TTBK2: variants seen among roughly 807,000 people sequenced by gnomAD.
TTBK2 encodes tau-tubulin kinase 2.
In TTBK2, 28 loss-of-function variants were observed where a neutral mutation model predicts 110.8. The observed-to-expected ratio is 0.25, with a 90% CI of 0.19 to 0.35. The LOEUF (loss-of-function observed/expected upper bound fraction) is 0.35, where lower values mean the gene tolerates loss of function less well. Ranked by LOEUF, TTBK2 falls within the 10% of genes least tolerant of loss-of-function variation. The probability of loss-of-function intolerance (pLI) is 1.00; values close to 1 mark genes in which losing one functional copy is unlikely to be tolerated. For synonymous variants in TTBK2, 532 were observed against 527.3 expected (o/e 1.01, Z -0.12); for missense variants, 1,369 against 1,500.3 (o/e 0.91, Z 1.45).
In TTBK2 at chr15:42,739,399, C is replaced by T. The variant is rs916424416; in HGVS notation, c.*6396G>A. 7.9e-5 allele frequency: 12 copies of T among 152,242 alleles called. No individual in the cohort carries two copies. Among genetic ancestry groups the T allele is most frequent in the Non-Finnish European group, 1.8e-4 (12 of 68,048 alleles). 9.4% of individuals were successfully genotyped at this position (152,242 alleles called of 1,614,324 possible). On this transcript the variant is annotated 3_prime_UTR_variant, in exon 15 of 15. Transcript: ENST00000267890. ...TTTAACAGCTGCCAATAGCTCATTA[C>T]TTCTAAGATGTATATCTAATTCAAA... is the stretch of plus-strand genomic sequence containing the variant.
chr15:42,784,370 C>T (rs1019063129), intron 10 of TTBK2, among the ~76,000 whole-genome samples: 5 of 152,026 alleles, frequency 3.3e-5, no homozygotes, highest in South Asian at 2.1e-4. Context: ...CTCCACCTCT[C>T]GGATTCAAGC....
At chr15:42,858,208 AC>A (rs1483197766) in intron 3 of TTBK2, among the ~76,000 whole-genome samples, 17 of 152,184 alleles carry the variant, frequency 1.1e-4, no homozygotes, top group African/African-American at 3.9e-4. Flanking sequence ...AACACCCCCT[AC>A]CCCATCTCCA....
chr15:42,816,570 G>A (rs1017936386), intron 7 of TTBK2, among the ~76,000 whole-genome samples: 4 of 152,038 alleles, frequency 2.6e-5, no homozygotes, highest in African/African-American at 9.7e-5. Context: ...TGCCACACAA[G>A]AATGAATTAG....
chr15:42,836,972 T>C (rs150888301), intron 4 of TTBK2, among the ~76,000 whole-genome samples: 2 of 152,288 alleles, frequency 1.3e-5, no homozygotes, highest in African/African-American at 4.8e-5. Flanking sequence ...TCAAATAAGA[T>C]GATAAATCCA....
At chr15:42,867,033 AG>A (rs1189068936) in intron 3 of TTBK2, among the ~76,000 whole-genome samples, 2 of 152,104 alleles carry the variant, frequency 1.3e-5, no homozygotes, top group Non-Finnish European at 2.9e-5. Context: ...TCACGAGGTC[AG>A]GAGATCGAGA....
At chr15:42,773,590 A>T (rs1889770563) in intron 13 of TTBK2, among the ~76,000 whole-genome samples, 1 of 152,238 alleles carries the variant, frequency 6.6e-6, no homozygotes, top group African/African-American at 2.4e-5. Flanking sequence ...CAATCTTTGT[A>T]AATAGGACAG....
rs1199142596 is a variant in TTBK2 at position 42,752,843 on chromosome 15, C to T, written c.2403G>A (p.Glu801=). The stretch of plus-strand genomic sequence containing the variant: ...CCAAATCTCCTGGGAGAGAGGAGAT[C>T]TCAATACAATGCTGCCCTCTACTTA... ...EKLSRGQHCI[E]ISSLPGDLVI... Residue 801 remains glutamate, a synonymous_variant, in exon 14 of 15, where the codon GAG becomes GAA. Transcript: ENST00000267890. 2.5e-6 allele frequency: 4 copies of T among 1,614,078 alleles called. No individual in the cohort carries two copies. In the Admixed American group the frequency reaches 6.7e-5, roughly 27 times the overall value.
In TTBK2 at chr15:42,801,648, T is replaced by A. The variant is rs571886479; in HGVS notation, c.823-6847A>T. The A allele has an allele frequency of 5.8e-6, 5 of 867,352 alleles. No individual in the cohort carries two copies. In the South Asian group the frequency reaches 6.5e-5, roughly 11 times the overall value. The allele number at this position is 867,352 out of a possible 1,614,324, so 53.7% of individuals were successfully genotyped here. On this transcript the variant is annotated intron_variant, in intron 9 of 14. Transcript: ENST00000267890. The stretch of plus-strand genomic sequence containing the variant: ...TTGACCTCAGGGATGATGCTGTCCA[T>A]GTCCAGGAAGCGGCTGTTGTCCATG...
At chr15:42,831,597 T>C (rs1047434988) in intron 4 of TTBK2, among the ~76,000 whole-genome samples, 1 of 152,038 alleles carries the variant, frequency 6.6e-6, no homozygotes, top group African/African-American at 2.4e-5. Flanking sequence ...TTCAAAGAGG[T>C]TAAATAATGT....
At chr15:42,838,200 C>T (rs1893073310) in intron 4 of TTBK2, among the ~76,000 whole-genome samples, 1 of 148,420 alleles carries the variant, frequency 6.7e-6, no homozygotes, top group Non-Finnish European at 1.5e-5. Context: ...GAGCGAGACT[C>T]TGTCTCAAAA....
At chr15:42,917,788 A>G (rs115900050) in intron 1 of TTBK2, among the ~76,000 whole-genome samples, 591 of 152,318 alleles carry the variant, frequency 3.9e-3, no homozygotes, top group African/African-American at 0.014. Context: ...AAACAGAAAT[A>G]GCTCCAGCTA....
intron 4 of TTBK2, among the ~76,000 whole-genome samples, chr15:42,830,875 C>T (rs192017906): frequency 8.6e-5 from 13 of 151,734 alleles, no homozygotes; most frequent in African/African-American, 2.4e-4. Flanking sequence ...TGTGGTGGTA[C>T]GCGCCTGTAG....
Position 42,816,071 on chromosome 15 carries a change from A to AAAAT in TTBK2, c.603+957_603+960dup, listed in dbSNP as rs1288207934. 3.7e-3 allele frequency among the ~76,000 whole-genome samples: 321 copies of AAAAT among 85,984 alleles called. 4 individuals are homozygous for AAAAT. Among genetic ancestry groups the AAAAT allele is most frequent in the African/African-American group, 0.015 (219 of 14,754 alleles). 56.4% of individuals were successfully genotyped at this position (85,984 alleles called of 152,430 possible). ...CTCTATATAAAAATATATATATATA[A>AAAAT]AAATAAATAAATAAATATATATATA... On this transcript the variant is annotated intron_variant, in intron 7 of 14. Transcript: ENST00000267890.
At chr15:42,845,912 T>C (rs1445958647) in intron 3 of TTBK2, among the ~76,000 whole-genome samples, 2 of 152,112 alleles carry the variant, frequency 1.3e-5, no homozygotes, top group African/African-American at 4.8e-5. Flanking sequence ...TATAGACAGT[T>C]ATACCACAAC....
rs1416475555 is a variant in TTBK2, at chr15:42,892,660, G to A, written c.-67-13976C>T. Among the ~76,000 whole-genome samples, 3 of 125,856 alleles carry A rather than the reference G, an allele frequency of 2.4e-5. No homozygotes were observed. In the East Asian group the frequency reaches 7.9e-4, roughly 33 times the overall value. The allele number at this position is 125,856 out of a possible 152,430, so 82.6% of individuals were successfully genotyped here. On this transcript the variant is annotated intron_variant, in intron 1 of 14. Transcript: ENST00000267890. ...GTTGAGGCTGCAGTGAGCTGTGATT[G>A]TAAGACTGCACTCTAGCCTGGATGA... is the stretch of plus-strand genomic sequence containing the variant.
intron 1 of TTBK2, among the ~76,000 whole-genome samples, chr15:42,905,063 G>A (rs765010085): frequency 1.7e-4 from 26 of 151,688 alleles, no homozygotes; most frequent in Non-Finnish European, 2.6e-4. Flanking sequence ...GTAGACACAG[G>A]ATTTCGCCAT....
At position 42,810,716 on chromosome 15, in the gene TTBK2, C is replaced by G. The variant is rs767995269; in HGVS notation, c.720G>C (p.Glu240Asp). The change falls in exon 9 of 15, where the codon GAG becomes GAC. Residue 240 changes from glutamate to aspartate, a missense_variant. Glu to Asp is a conservative substitution (Grantham distance 45, BLOSUM62 2). Transcript: ENST00000267890. ...TCAACATGAGCCTGTGGTCATATCT[C>G]TCCTTAATAGAGCCTACTTGCTCCT... is the stretch of plus-strand genomic sequence containing the variant. ...KDKEQVGSIK[E>D]RYDHRLMLKH... The G allele has an allele frequency of 6.2e-7, 1 of 1,613,716 alleles. No homozygotes were observed. The highest frequency in any genetic ancestry group is 8.5e-7 in the Non-Finnish European group (1 of 1,179,914).
chr15:42,866,454 T>C (rs1044898514), intron 3 of TTBK2, among the ~76,000 whole-genome samples: 1 of 152,072 alleles, frequency 6.6e-6, no homozygotes, highest in African/African-American at 2.4e-5. Context: ...GAAAGATGAA[T>C]GCACTATTAT....
At position 42,887,059 on chromosome 15, in the gene TTBK2, C is replaced by G. The variant is rs1895274278; in HGVS notation, c.-67-8375G>C. ...CCTTCTTAATCAATACGGACGCTAC[C>G]CACTCCACATTACCTTCTTTTCAAG... On this transcript the variant is annotated intron_variant, in intron 1 of 14. Transcript: ENST00000267890. 2.6e-5 allele frequency among the ~76,000 whole-genome samples: 4 copies of G among 152,118 alleles called. No homozygotes were observed. In the South Asian group the frequency reaches 8.3e-4, roughly 32 times the overall value.
Sources: allele counts gnomAD v4.1 joint callset (sites outside exome capture counted in the v4.1 genomes callset), GRCh38; gene constraint gnomAD v4.1.1; transcripts MANE v1.5; gene names NCBI Gene and HGNC (gene_info 2026-07-23, HGNC 2026-07-21).